The following HNRNPU variants were observed in gnomAD, a reference collection of about 807,000 sequenced individuals.
The protein encoded by HNRNPU is HNRNPU antisense RNA 1.
In HNRNPU, 5 loss-of-function variants were observed where a neutral mutation model predicts 94.7. The observed-to-expected ratio is 0.05, with a 90% CI of 0.03 to 0.11. The LOEUF is 0.11. HNRNPU is among the 10% of genes least tolerant of loss of function. The pLI is 1.00. For missense variants in HNRNPU, 710 were observed against 1,049.2 expected (o/e 0.68, Z 4.47); for synonymous variants, 434 against 381.6 (o/e 1.14, Z -1.60).
In HNRNPU at chr1:244,851,467, A is replaced by C. The variant is rs1395336629; in HGVS notation, c.*2983T>G. On this transcript the variant is annotated 3_prime_UTR_variant, in exon 14 of 14. Coordinates refer to ENST00000640218, the MANE Select transcript of HNRNPU (RefSeq NM_031844.3). ...ATGAGACATTTTAAATACAGAATAC[A>C]CTCTGTTCATGAATATAAAATCCCC... 6.6e-6 allele frequency: 1 copy of C among 152,294 alleles called. No homozygotes were observed. Among genetic ancestry groups the C allele is most frequent in the Middle Eastern group, 3.4e-3 (1 of 294 alleles). The allele number at this position is 152,294 out of a possible 1,614,324, so 9.4% of individuals were successfully genotyped here.
chr1:244,858,871 G>A (rs145042684), intron 5 of HNRNPU, 30 bp from the exon 6 acceptor site: 11 of 1,076,038 alleles, frequency 1.0e-5, no homozygotes, highest in South Asian at 3.9e-5. Context: ...TCATGAAGTA[G>A]ATGTTTAAAA....
intron 1 of HNRNPU, 140 bp from the exon 2 acceptor site, chr1:244,862,870 G>T (rs910373174): frequency 1.4e-6 from 1 of 693,644 alleles, no homozygotes; most frequent in Non-Finnish European, 2.6e-6. Context: ...TGAATTCAAA[G>T]AACAATCAAC....
In HNRNPU at chr1:244,858,777, T is replaced by C. The variant is rs201766865; in HGVS notation, c.1182A>G (p.Glu394=). The C allele has an allele frequency of 1.4e-4, 231 of 1,599,450 alleles. No homozygotes were observed. Among genetic ancestry groups the C allele is most frequent in the Non-Finnish European group, 1.8e-4 (207 of 1,167,492 alleles). The change falls in exon 6 of 14, where the codon GAA becomes GAG. Residue 394 remains glutamate, a synonymous_variant. Transcript: ENST00000640218. The part of the protein sequence containing the change: ...KGIKTCNCET[E]DYGEKFDEND... ...TTTCATCAAACTTTTCTCCATAATC[T>C]TCAGTCTCACAGTTGCATGTTTTTA...
chr1:244,859,372 A>G lies in HNRNPU; in HGVS notation c.1020T>C (p.Val340=). Residue 340 remains valine, a splice_region_variant and synonymous_variant, in exon 5 of 14, where the codon GTT becomes GTC. Coordinates refer to ENST00000640218, the MANE Select transcript of HNRNPU (RefSeq NM_031844.3). ...SKGKVCFEMK[V]TEKIPVRHLY... is the part of the protein sequence containing the mutation. ...AATGCCTTACTGGGATCTTCTCTGT[A>G]ACCTGAAAGTCAAATCATTAAATAA... The G allele has an allele frequency of 6.9e-7, 1 of 1,445,148 alleles. No homozygotes were observed. Among genetic ancestry groups the G allele is most frequent in the South Asian group, 1.1e-5 (1 of 87,366 alleles). The allele number at this position is 1,445,148 out of a possible 1,614,324, so 89.5% of individuals were successfully genotyped here.
chr1:244,858,813 A>G lies in HNRNPU; in HGVS notation c.1146T>C (p.Ser382=). Residue 382 remains serine (S), a synonymous_variant, in exon 6 of 14, where the codon TCT becomes TCC. Coordinates refer to ENST00000640218, the MANE Select transcript of HNRNPU (RefSeq NM_031844.3). ...LGEEEFSYGY[S]LKGIKTCNCE... is the part of the protein sequence containing the mutation. ...AGTTGCATGTTTTTATTCCTTTTAG[A>G]GAATACCCATAAGAAAATTCTTCTT... 6.4e-7 allele frequency: 1 copy of G among 1,559,050 alleles called. No homozygotes were observed.
At position 244,853,806 on chromosome 1, in the gene HNRNPU, C is replaced by A. The variant is rs1434279234; in HGVS notation, c.*644G>T. On this transcript the variant is annotated 3_prime_UTR_variant, in exon 14 of 14. Transcript: ENST00000640218. ...AACCAAGTTTTACATTTTTAACAGCCCTTCTACATACACTCCATCTTCTCT... is the reference window on the plus strand; with the variant it reads ...AACCAAGTTTTACATTTTTAACAGCACTTCTACATACACTCCATCTTCTCT... The A allele has an allele frequency of 4.6e-5, 7 of 152,692 alleles. No homozygotes were observed. 9.5% of individuals were successfully genotyped at this position (152,692 alleles called of 1,614,324 possible). A position where few individuals can be genotyped will look rare whatever the true frequency, so the allele number is the denominator to read the frequency against.
intron 13 of HNRNPU, 49 bp from the exon 14 acceptor site, chr1:244,854,552 C>G: frequency 8.3e-7 from 1 of 1,211,922 alleles, no homozygotes; most frequent in Non-Finnish European, 1.2e-6. Context: ...ATAAGCCACT[C>G]AAACTGTTTT....
At chr1:244,858,459 A>C (rs1257994120) in intron 6 of HNRNPU, 185 bp from the exon 7 acceptor site, 2 of 622,682 alleles carry the variant, frequency 3.2e-6, no homozygotes, top group Non-Finnish European at 5.6e-6. Flanking sequence ...ACGTATCTCC[A>C]GAACCAGAAA....
intron 12 of HNRNPU, 58 bp from the exon 13 acceptor site, chr1:244,855,102 G>A (rs1439047368): frequency 7.2e-7 from 1 of 1,381,960 alleles, no homozygotes; most frequent in Non-Finnish European, 1.0e-6. Flanking sequence ...TAGGTTTGTG[G>A]GGGTGAGAGA....
intron 8 of HNRNPU, 166 bp downstream of exon 8, chr1:244,857,432 G>C: frequency 1.5e-6 from 1 of 662,460 alleles, no homozygotes; most frequent in South Asian, 2.1e-5. Flanking sequence ...TTTTTAGTAG[G>C]AACGGGGCTT....
rs1488747354 is a variant in HNRNPU at position 244,864,369 on chromosome 1, T to C, written c.-62A>G. On this transcript the variant is annotated 5_prime_UTR_variant, in exon 1 of 14. Coordinates refer to ENST00000640218, the MANE Select transcript of HNRNPU (RefSeq NM_031844.3). Reference sequence around the variant, plus strand: ...AACTCGGCTCCGCTCACTCGGCCACTGGTGGCGGCTGCTGCGGCTGCTCCT... The same window carrying C: ...AACTCGGCTCCGCTCACTCGGCCACCGGTGGCGGCTGCTGCGGCTGCTCCT... The C allele has an allele frequency of 1.3e-6, 2 of 1,586,940 alleles. No homozygotes were observed. Among genetic ancestry groups the C allele is most frequent in the Admixed American group, 1.9e-5 (1 of 52,036 alleles).
intron 7 of HNRNPU, 72 bp from the exon 8 acceptor site, chr1:244,857,789 G>C: frequency 6.5e-7 from 1 of 1,532,318 alleles, no homozygotes; most frequent in Non-Finnish European, 8.8e-7. Context: ...ATATTGTTAA[G>C]GCCAATTTAA....
At chr1:244,862,988 A>G (rs1680881812) in intron 1 of HNRNPU, 3 of 510,410 alleles carry the variant, frequency 5.9e-6, no homozygotes. Flanking sequence ...CCAGGCCCGA[A>G]GCCCACGTGT....
At chr1:244,859,955 G>A (rs1372571607) in intron 4 of HNRNPU, 2 of 169,458 alleles carry the variant, frequency 1.2e-5, no homozygotes, top group Non-Finnish European at 2.5e-5. Context: ...TTGAGCTTAG[G>A]AGTTCAAGAC....
rs1008330738 is a variant in HNRNPU, at chr1:244,851,784, ATG to A, written c.*2664_*2665del. On this transcript the variant is annotated 3_prime_UTR_variant, in exon 14 of 14. Coordinates refer to ENST00000640218, the MANE Select transcript of HNRNPU (RefSeq NM_031844.3). ...AGAGCCAGAGCCCTTCAAAGGCTGT[ATG>A]TGAGTATATGAGGGAAAACTTTCCA... 5.9e-5 allele frequency: 9 copies of A among 152,200 alleles called. No individual in the cohort carries two copies. Among genetic ancestry groups the A allele is most frequent in the African/African-American group, 2.2e-4 (9 of 41,436 alleles). The allele number at this position is 152,200 out of a possible 1,614,324, so 9.4% of individuals were successfully genotyped here.
At position 244,863,735 on chromosome 1, in the gene HNRNPU, G is replaced by C. The variant is rs1295513946; in HGVS notation, c.573C>G (p.Thr191=). The part of the protein sequence containing the change: ...KEAAGKSSGP[T]SLFAVTVAPP... ...GCGCCACCGTCACCGCGAACAGCGA[G>C]GTGGGGCCGCTGCTCTTCCCCGCGG... Residue 191 remains threonine (T), a synonymous_variant, in exon 1 of 14, where the codon ACC becomes ACG. Transcript: ENST00000640218. 3 of 1,575,642 alleles carry C rather than the reference G, an allele frequency of 1.9e-6. No individual in the cohort carries two copies. Among genetic ancestry groups the C allele is most frequent in the Non-Finnish European group, 2.6e-6 (3 of 1,165,822 alleles).
intron 8 of HNRNPU, 178 bp from the exon 9 acceptor site, chr1:244,857,034 TACTC>T (rs1196555141): frequency 1.2e-5 from 6 of 502,470 alleles, no homozygotes; most frequent in Admixed American, 3.8e-5. Flanking sequence ...ACCTTACACT[TACTC>T]AATTCTTTTT....
Position 244,858,268 on chromosome 1 carries a change from C to T in HNRNPU, c.1237G>A (p.Glu413Lys), listed in dbSNP as rs777389841. Residue 413 changes from glutamate (E) to lysine (K), a missense_variant, in exon 7 of 14, where the codon GAA (glutamate) becomes AAA (lysine). By Grantham distance (56) the Glu-to-Lys change is moderately conservative. Transcript: ENST00000640218. ...TACGAGAGTTCTACTTCATCACTTT[C>T]AAAGTTCTGTTACACAGAAAAAAAT... ...NDVITCFANFESDEVELSYAK... is the reference protein window; with the variant it reads ...NDVITCFANFKSDEVELSYAK... The T allele has an allele frequency of 6.2e-6, 10 of 1,612,900 alleles. No homozygotes were observed. The highest frequency in any genetic ancestry group is 2.2e-5 in the South Asian group (2 of 90,884).
At chr1:244,856,256 T>G in intron 10 of HNRNPU, 98 bp from the exon 11 acceptor site, 1 of 1,324,472 alleles carries the variant, frequency 7.6e-7, no homozygotes, top group Non-Finnish European at 1.0e-6. Flanking sequence ...CATATTTTCC[T>G]AAAAATAAAA....
Sources: gnomAD v4.1 joint callset for allele counts on GRCh38, gnomAD v4.1.1 for gene constraint, MANE v1.5 for transcripts, NCBI Gene and HGNC (gene_info 2026-07-23, HGNC 2026-07-21) for gene names.